RIT2: variants seen among roughly 807,000 people sequenced by gnomAD.
RIT2 encodes GTP-binding protein Rit2.
Under a neutral mutation model 23.7 loss-of-function variants are expected in RIT2, and 24 were observed. The ratio of observed to expected loss-of-function variants is 1.01; its 90% CI spans 0.73 to 1.43. The LOEUF (loss-of-function observed/expected upper bound fraction) is 1.43, where lower values mean the gene tolerates loss of function less well. RIT2 is among the 40% of genes most tolerant of loss of function. RIT2 has a pLI of 0.00. For missense variants in RIT2, 236 were observed against 266.9 expected, an observed-to-expected ratio of 0.88 and a Z score of 0.81; for synonymous variants, 107 against 91.1, an observed-to-expected ratio of 1.17 and a Z score of -0.99.
At chr18:42,781,407 T>C in intron 4 of RIT2, among the ~76,000 whole-genome samples, 1 of 152,140 alleles carries the variant, frequency 6.6e-6, no homozygotes, top group East Asian at 1.9e-4. Context: ...ATTGGTGCTT[T>C]CTCTCAACTG....
intron 4 of RIT2, among the ~76,000 whole-genome samples, chr18:42,785,649 G>A (rs1913905785): frequency 6.6e-6 from 1 of 152,178 alleles, no homozygotes; most frequent in African/African-American, 2.4e-5. Context: ...TTGTATTTGA[G>A]CATATGTGGA....
intron 1 of RIT2, among the ~76,000 whole-genome samples, chr18:43,095,519 T>A (rs770698025): frequency 1.3e-5 from 2 of 151,814 alleles, no homozygotes; most frequent in South Asian, 2.1e-4. Flanking sequence ...AATAAAAAAA[T>A]AAAAATAAAA....
At chr18:42,928,555 T>C (rs1202847599) in intron 3 of RIT2, among the ~76,000 whole-genome samples, 1 of 152,026 alleles carries the variant, frequency 6.6e-6, no homozygotes. Flanking sequence ...GAGGGTGGCA[T>C]AGCACAGAAT....
intron 4 of RIT2, among the ~76,000 whole-genome samples, chr18:42,811,900 A>C (rs535935936): frequency 6.6e-6 from 1 of 152,272 alleles, no homozygotes; most frequent in African/African-American, 2.4e-5. Flanking sequence ...ATTTCAAGCG[A>C]GAATTGGGTA....
chr18:42,758,382 T>C (rs1044741928), intron 4 of RIT2, among the ~76,000 whole-genome samples: 4 of 152,208 alleles, frequency 2.6e-5, no homozygotes, highest in Non-Finnish European at 5.9e-5. Context: ...CAATAGATGT[T>C]TCCAGCAATT....
intron 4 of RIT2, among the ~76,000 whole-genome samples, chr18:42,915,076 C>A (rs1267171859): frequency 6.6e-6 from 1 of 151,578 alleles, no homozygotes; most frequent in Admixed American, 6.6e-5. Context: ...GTAGTTCAAT[C>A]TATGGATATC....
rs1295593277 is a variant in RIT2 at position 42,923,735 on chromosome 18, T to C, written c.263A>G (p.Tyr88Cys). 6.2e-7 allele frequency: 1 copy of C among 1,611,352 alleles called. No homozygotes were observed. Among genetic ancestry groups the C allele is most frequent in the Non-Finnish European group, 8.5e-7 (1 of 1,179,350 alleles). ...GATGAAGCCTTCCCCACCTCGCATG[T>C]ACTGCTCCCGCATGGCTGTGAATTC... is the stretch of plus-strand genomic sequence containing the variant. ...QAEFTAMREQ[Y>C]MRGGEGFIIC... The change falls in exon 4 of 5, where the codon TAC (tyrosine) becomes TGC (cysteine). Residue 88 changes from tyrosine (Y) to cysteine (C), a missense_variant. Transcript: ENST00000326695.
chr18:42,793,998 CT>C (rs34156097), intron 4 of RIT2, among the ~76,000 whole-genome samples: 248 of 148,348 alleles, frequency 1.7e-3, no homozygotes, highest in African/African-American at 4.6e-3. Flanking sequence ...CTACAATTAA[CT>C]TTTTTTTTTT....
chr18:42,827,743 T>C lies in RIT2; in HGVS notation c.427-84023A>G, dbSNP rs563262467. Among the ~76,000 whole-genome samples, 558 of 152,172 alleles carry C rather than the reference T, an allele frequency of 3.7e-3. 1 individual carries two copies. The highest frequency in any genetic ancestry group is 6.2e-3 in the Non-Finnish European group (419 of 67,980). On this transcript the variant is annotated intron_variant, in intron 4 of 4. Coordinates refer to ENST00000326695, the MANE Select transcript of RIT2 (RefSeq NM_002930.4). Reference sequence around the variant, plus strand: ...AATGTAGGCCAGGCGTGGTGGCTCATGCCTGCAATCCCAGCACTTTGGGAG... The same window carrying C: ...AATGTAGGCCAGGCGTGGTGGCTCACGCCTGCAATCCCAGCACTTTGGGAG...
intron 4 of RIT2, among the ~76,000 whole-genome samples, chr18:42,866,321 T>C (rs1598690260): frequency 6.6e-6 from 1 of 152,186 alleles, no homozygotes; most frequent in African/African-American, 2.4e-5. Flanking sequence ...TAATGTTGAT[T>C]AATATTTGTA....
intron 2 of RIT2, among the ~76,000 whole-genome samples, chr18:43,008,753 A>G (rs4243266): frequency 0.95 from 144,648 of 151,512 alleles, 69,402 homozygotes; most frequent in East Asian, 1. Context: ...AAATCTTTCT[A>G]TCTTGGAAAA....
intron 4 of RIT2, among the ~76,000 whole-genome samples, chr18:42,885,534 C>T (rs760694567): frequency 1.3e-5 from 2 of 151,960 alleles, no homozygotes; most frequent in African/African-American, 2.4e-5. Flanking sequence ...TGCAGTGAGC[C>T]GAGATCGTGC....
At chr18:42,822,456 C>T (rs1906179023) in intron 4 of RIT2, among the ~76,000 whole-genome samples, 1 of 152,036 alleles carries the variant, frequency 6.6e-6, no homozygotes. Flanking sequence ...AAGAGCTGCC[C>T]AGGTCTCTTT....
intron 1 of RIT2, among the ~76,000 whole-genome samples, chr18:43,074,991 A>G (rs1257087934): frequency 6.6e-6 from 1 of 152,200 alleles, no homozygotes; most frequent in East Asian, 1.9e-4. Context: ...GCAAACCACC[A>G]TTGTACACAT....
At chr18:42,947,164 G>A (rs936163342) in intron 3 of RIT2, among the ~76,000 whole-genome samples, 1 of 152,028 alleles carries the variant, frequency 6.6e-6, no homozygotes, top group Non-Finnish European at 1.5e-5. Context: ...ATGGATATGG[G>A]GAAAACTGAC....
In RIT2 at chr18:42,981,360, C is replaced by A. The variant is rs72895228; in HGVS notation, c.161-7213G>T. Among the ~76,000 whole-genome samples, 1,425 of 152,168 alleles carry A rather than the reference C, an allele frequency of 9.4e-3. 10 individuals are homozygous for A. Among genetic ancestry groups the A allele is most frequent in the Non-Finnish European group, 0.012 (824 of 68,012 alleles). The stretch of plus-strand genomic sequence containing the variant: ...ATAAAAAGAACTTTTATGATCAAGG[C>A]AATTGTACAAGTCTCAGTGTCCTAA... On this transcript the variant is annotated intron_variant, in intron 2 of 4. Coordinates refer to ENST00000326695, the MANE Select transcript of RIT2 (RefSeq NM_002930.4).
intron 1 of RIT2, among the ~76,000 whole-genome samples, chr18:43,105,792 T>C (rs1367890566): frequency 1.3e-5 from 2 of 152,156 alleles, no homozygotes; most frequent in Non-Finnish European, 2.9e-5. Flanking sequence ...TATGAACCGT[T>C]ACAGTAGTTA....
At chr18:43,095,315 A>G (rs1913526553) in intron 1 of RIT2, among the ~76,000 whole-genome samples, 1 of 152,056 alleles carries the variant, frequency 6.6e-6, no homozygotes, top group Non-Finnish European at 1.5e-5. Flanking sequence ...ATGACCGGTG[A>G]TGATGAGCAT....
At chr18:42,967,747 T>C (rs531049570) in intron 3 of RIT2, among the ~76,000 whole-genome samples, 1 of 151,446 alleles carries the variant, frequency 6.6e-6, no homozygotes, top group East Asian at 1.9e-4. Context: ...ATCCAAATCA[T>C]AATTCTTAAT....
Sources: gnomAD v4.1 joint callset for allele counts (sites outside exome capture counted in the v4.1 genomes callset) on GRCh38, gnomAD v4.1.1 for gene constraint, MANE v1.5 for transcripts, NCBI Gene and HGNC (gene_info 2026-07-23, HGNC 2026-07-21) for gene names.